Variants in PMM2 observed in about 807,000 individuals in gnomAD.
PMM2 encodes the protein mannose-6-phosphate isomerase.
In PMM2, 35 loss-of-function variants were observed where a neutral mutation model predicts 33.2. The ratio of observed to expected loss-of-function variants is 1.06; its 90% CI spans 0.81 to 1.40. PMM2 has a LOEUF of 1.40. PMM2 is among the 40% of genes most tolerant of loss of function. PMM2 has a pLI of 0.00. For synonymous variants in PMM2, 153 were observed against 114.7 expected (o/e 1.33, Z -2.13); for missense variants, 386 against 306.0 (o/e 1.26, Z -1.95).
At chr16:8,840,429 T>G (rs751600612) in intron 7 of PMM2, among the ~76,000 whole-genome samples, 16 of 151,648 alleles carry the variant, frequency 1.1e-4, no homozygotes, top group Non-Finnish European at 2.1e-4. Context: ...CATTTATAAG[T>G]AGTTGAGAAT....
intron 7 of PMM2, among the ~76,000 whole-genome samples, chr16:8,844,459 G>A (rs1024675024): frequency 1.1e-4 from 16 of 152,202 alleles, no homozygotes; most frequent in South Asian, 2.1e-4. Context: ...GGGACTTGCC[G>A]CTAAGGGTGA....
At chr16:8,799,281 T>C (rs1036490305) in intron 1 of PMM2, among the ~76,000 whole-genome samples, 1 of 152,186 alleles carries the variant, frequency 6.6e-6, no homozygotes, top group Non-Finnish European at 1.5e-5. Flanking sequence ...TGCCACCCTT[T>C]TTCATATCAC....
At chr16:8,808,864 G>A (rs2060661575) in intron 4 of PMM2, 1 of 152,224 alleles carries the variant, frequency 6.6e-6, no homozygotes. Flanking sequence ...GGGACGGCCT[G>A]GACATGGGAT....
At position 8,797,935 on chromosome 16, in the gene PMM2, C is replaced by G. The variant is rs760265100; in HGVS notation, c.53C>G (p.Thr18Ser). 3.1e-5 allele frequency: 50 copies of G among 1,607,600 alleles called. No homozygotes were observed. The highest frequency in any genetic ancestry group is 4.1e-5 in the Non-Finnish European group (48 of 1,177,708). ...LCLFDVDGTLTAPRQKITKEM... is the reference protein window; with the variant it reads ...LCLFDVDGTLSAPRQKITKEM... ...CTCTTCGACGTGGATGGGACCCTCA[C>G]CGCCCCGCGGCAGGTAAGTGGCGGC... The change falls in exon 1 of 8, where the codon ACC becomes AGC. Residue 18 changes from threonine to serine, a missense_variant. Transcript: ENST00000268261.
At chr16:8,816,061 C>T (rs906588805) in intron 7 of PMM2, among the ~76,000 whole-genome samples, 1 of 152,090 alleles carries the variant, frequency 6.6e-6, no homozygotes, top group African/African-American at 2.4e-5. Context: ...GGCTCAACAT[C>T]AGTGTTCAGG....
rs1413857750 is a variant in PMM2, at chr16:8,837,563, GTTGGGGCACGGAAATAAGGGA to G, written c.640-10151_640-10131del. On this transcript the variant is annotated intron_variant, in intron 7 of 7. Transcript: ENST00000268261. ...TGCCCTCCAGAAAAGCAGAGAAGGG[GTTGGGGCACGGAAATAAGGGA>G]TTGGGGCACAGAGATATAAGAGATT... Among the ~76,000 whole-genome samples the G allele has an allele frequency of 5.3e-5, 8 of 151,430 alleles. No individual in the cohort carries two copies. The South Asian group carries it at 1.5e-3, about 28-fold the overall frequency.
In PMM2 at chr16:8,811,772, G is replaced by T. The variant is rs1186107386; in HGVS notation, c.523+59G>T. ...ATACCCATTTCCCAGAGTTTGTTGT[G>T]GGCCAGTGAGCTATTGATAATGAAG... is the stretch of plus-strand genomic sequence containing the variant. On this transcript the variant is annotated intron_variant, in intron 6 of 7. Coordinates refer to ENST00000268261, the MANE Select transcript of PMM2 (RefSeq NM_000303.3). The T allele has an allele frequency of 3.6e-6, 4 of 1,118,754 alleles. No homozygotes were observed. In the Admixed American group the frequency reaches 6.7e-5, roughly 19 times the overall value. 69.3% of individuals were successfully genotyped at this position (1,118,754 alleles called of 1,614,324 possible).
At chr16:8,836,201 AC>A (rs1332168034) in intron 7 of PMM2, among the ~76,000 whole-genome samples, 10 of 151,944 alleles carry the variant, frequency 6.6e-5, no homozygotes, top group South Asian at 6.2e-4. Flanking sequence ...GGATGGACTT[AC>A]CCTCCACTGT....
At chr16:8,823,177 T>C (rs1043299419) in intron 7 of PMM2, among the ~76,000 whole-genome samples, 2 of 152,174 alleles carry the variant, frequency 1.3e-5, no homozygotes, top group Non-Finnish European at 2.9e-5. Flanking sequence ...GCATCTTTAG[T>C]TATAGAGGAG....
intron 7 of PMM2, among the ~76,000 whole-genome samples, chr16:8,814,348 T>TTGCAGGCTGGG (rs2060694410): frequency 6.6e-6 from 1 of 151,770 alleles, no homozygotes; most frequent in Admixed American, 6.6e-5. Context: ...AGGCTGGGGG[T>TTGCAGGCTGGG]GTTGGTTACC....
intron 6 of PMM2, 29 bp from the exon 7 acceptor site, chr16:8,812,962 C>T (rs372047665): frequency 1.9e-5 from 24 of 1,287,648 alleles, no homozygotes; most frequent in Non-Finnish European, 2.4e-5. Context: ...TCACCTTTTG[C>T]CTTTGTGTGC....
intron 7 of PMM2, among the ~76,000 whole-genome samples, chr16:8,814,808 A>AT (rs1239872337): frequency 2.0e-5 from 3 of 151,958 alleles, no homozygotes; most frequent in African/African-American, 7.3e-5. Context: ...GCGGTTTGGG[A>AT]TTTTTTTGTT....
intron 7 of PMM2, among the ~76,000 whole-genome samples, chr16:8,826,556 G>C (rs1337164469): frequency 6.6e-6 from 1 of 152,126 alleles, no homozygotes; most frequent in African/African-American, 2.4e-5. Flanking sequence ...GCCTAATTCA[G>C]ACCAAATGAA....
At chr16:8,827,799 CATATTTAT>C (rs1567164718) in intron 7 of PMM2, among the ~76,000 whole-genome samples, 1 of 38,692 alleles carries the variant, frequency 2.6e-5, no homozygotes, top group Non-Finnish European at 4.7e-5. Context: ...TATATTTATA[CATATTTAT>C]ATATTTATAT....
intron 7 of PMM2, chr16:8,832,398 A>C: frequency 1.0e-6 from 1 of 985,346 alleles, no homozygotes; most frequent in Non-Finnish European, 1.2e-6. Context: ...TAGCTTTATT[A>C]AGTGTCAGCG....
chr16:8,815,177 C>T (rs990858360), intron 7 of PMM2, among the ~76,000 whole-genome samples: 7 of 151,176 alleles, frequency 4.6e-5, no homozygotes, highest in Admixed American at 1.3e-4. Flanking sequence ...TTTTTTAAGG[C>T]GGAATAATGT....
intron 3 of PMM2, 94 bp downstream of exon 3, chr16:8,804,937 G>C (rs918163146): frequency 5.0e-6 from 4 of 792,400 alleles, no homozygotes; most frequent in Non-Finnish European, 8.9e-6. Context: ...ATGAGGAACG[G>C]GTAGAAATGA....
chr16:8,825,234 T>C (rs2060760119), intron 7 of PMM2, among the ~76,000 whole-genome samples: 2 of 152,070 alleles, frequency 1.3e-5, no homozygotes, highest in African/African-American at 2.4e-5. Context: ...GGTTTCACCA[T>C]GTTAGCCAGG....
At chr16:8,815,593 C>G (rs964094518) in intron 7 of PMM2, among the ~76,000 whole-genome samples, 1 of 152,098 alleles carries the variant, frequency 6.6e-6, no homozygotes, top group Admixed American at 6.5e-5. Flanking sequence ...GTTTCCGTAT[C>G]TTGGCCATTA....
Sources: gnomAD v4.1 joint callset for allele counts (sites outside exome capture counted in the v4.1 genomes callset) on GRCh38, gnomAD v4.1.1 for gene constraint, MANE v1.5 for transcripts, NCBI Gene and HGNC (gene_info 2026-07-23, HGNC 2026-07-21) for gene names.